PPCDC: variants seen among roughly 807,000 people sequenced by gnomAD.
PPCDC encodes phosphopantothenoylcysteine decarboxylase.
PPCDC carries 20 observed loss-of-function variants against 20.7 expected under a neutral mutation model. That is an observed-to-expected ratio of 0.97 (90% confidence interval 0.68 to 1.41). PPCDC has a LOEUF of 1.41. Among genes scored for constraint, PPCDC ranks in the 40% most tolerant of loss-of-function variants. The pLI is 0.00. For synonymous variants in PPCDC, 88 were observed against 100.3 expected (o/e 0.88, Z 0.73); for missense variants, 246 against 263.8 (o/e 0.93, Z 0.47).
At chr15:75,027,055 T>G (rs1253962268) in intron 1 of PPCDC, among the ~76,000 whole-genome samples, 1 of 152,148 alleles carries the variant, frequency 6.6e-6, no homozygotes, top group Non-Finnish European at 1.5e-5. Flanking sequence ...TGGTTGGCAA[T>G]TAGACCCGGT....
intron 2 of PPCDC, among the ~76,000 whole-genome samples, chr15:75,032,731 C>CCCG (rs1555413314): frequency 1.5e-5 from 2 of 130,410 alleles, no homozygotes; most frequent in African/African-American, 6.0e-5. Flanking sequence ...TGGACCCCCC[C>CCCG]CCCCAAGGCC....
chr15:75,049,891 C>T lies in PPCDC; in HGVS notation c.*656C>T, dbSNP rs1007595544. On this transcript the variant is annotated 3_prime_UTR_variant, in exon 6 of 6. Coordinates refer to ENST00000342932, the MANE Select transcript of PPCDC (RefSeq NM_021823.5). Reference sequence around the variant, plus strand: ...GGTGGTTAAGGATAAAGATCTGAAGCCAGACAGCCCCTAGTTCCAATCCCA... The same window carrying T: ...GGTGGTTAAGGATAAAGATCTGAAGTCAGACAGCCCCTAGTTCCAATCCCA... 1 of 152,296 alleles carries T rather than the reference C, an allele frequency of 6.6e-6. No individual in the cohort carries two copies. Among genetic ancestry groups the T allele is most frequent in the African/African-American group, 2.4e-5 (1 of 41,528 alleles). 9.4% of individuals were successfully genotyped at this position (152,296 alleles called of 1,614,324 possible).
At chr15:75,032,724 A>AACCCCCC (rs2066036136) in intron 2 of PPCDC, among the ~76,000 whole-genome samples, 1 of 96,654 alleles carries the variant, frequency 1.0e-5, no homozygotes, top group African/African-American at 4.3e-5. Flanking sequence ...AGCAAACTGG[A>AACCCCCC]CCCCCCCCCC....
chr15:75,030,189 A>G (rs1204604652), intron 2 of PPCDC, among the ~76,000 whole-genome samples: 1 of 152,120 alleles, frequency 6.6e-6, no homozygotes, highest in Non-Finnish European at 1.5e-5. Flanking sequence ...TGCCTTTCCC[A>G]TTTGAAAATA....
chr15:75,040,618 C>G (rs1182174841), intron 2 of PPCDC, among the ~76,000 whole-genome samples: 1 of 151,882 alleles, frequency 6.6e-6, no homozygotes, highest in Non-Finnish European at 1.5e-5. Context: ...TAGGATTTAC[C>G]TATGCTGTCT....
At position 75,036,977 on chromosome 15, in the gene PPCDC, T is replaced by A. The variant is rs927189294; in HGVS notation, c.136-6464T>A. On this transcript the variant is annotated intron_variant, in intron 2 of 5. Coordinates refer to ENST00000342932, the MANE Select transcript of PPCDC (RefSeq NM_021823.5). ...TGAGCCACCATGCCTGGCGCCCAATTTGGGGATGATTCTGAAGGCCAGCAC... is the reference window on the plus strand; with the variant it reads ...TGAGCCACCATGCCTGGCGCCCAATATGGGGATGATTCTGAAGGCCAGCAC... Among the ~76,000 whole-genome samples the A allele has an allele frequency of 3.9e-5, 6 of 152,106 alleles. No individual in the cohort carries two copies. In the East Asian group the frequency reaches 9.7e-4, roughly 25 times the overall value.
intron 1 of PPCDC, among the ~76,000 whole-genome samples, chr15:75,027,075 A>G (rs1307556195): frequency 6.6e-6 from 1 of 152,166 alleles, no homozygotes; most frequent in Admixed American, 6.5e-5. Flanking sequence ...TCACACATTC[A>G]GGGAGCTTGC....
intron 2 of PPCDC, among the ~76,000 whole-genome samples, chr15:75,029,427 C>G (rs1405938555): frequency 6.6e-6 from 1 of 152,204 alleles, no homozygotes; most frequent in Non-Finnish European, 1.5e-5. Flanking sequence ...GCTGAGCACC[C>G]AAGGTGCAGT....
At chr15:75,033,671 G>A (rs1434589240) in intron 2 of PPCDC, among the ~76,000 whole-genome samples, 1 of 151,574 alleles carries the variant, frequency 6.6e-6, no homozygotes, top group Non-Finnish European at 1.5e-5. Context: ...TTTTTTTCTG[G>A]GTGGGGGCCA....
At position 75,049,429 on chromosome 15, in the gene PPCDC, G is replaced by C. The variant is rs1205085636; in HGVS notation, c.*194G>C. On this transcript the variant is annotated 3_prime_UTR_variant, in exon 6 of 6. Coordinates refer to ENST00000342932, the MANE Select transcript of PPCDC (RefSeq NM_021823.5). ...CCAGGTCTCAGTTTCTTTCAACCAG[G>C]AGAGGCCGCTGCCTAGAGCCCCTCC... The C allele has an allele frequency of 1.0e-5, 6 of 601,504 alleles. No homozygotes were observed. Among genetic ancestry groups the C allele is most frequent in the South Asian group, 2.0e-5 (1 of 49,756 alleles). The allele number at this position is 601,504 out of a possible 1,614,324, so 37.3% of individuals were successfully genotyped here. A position where few individuals can be genotyped will look rare whatever the true frequency, so the allele number is the denominator to read the frequency against.
intron 2 of PPCDC, among the ~76,000 whole-genome samples, chr15:75,041,878 G>A (rs957438912): frequency 2.0e-5 from 3 of 152,196 alleles, no homozygotes; most frequent in Non-Finnish European, 2.9e-5. Context: ...GGAAGCAAGC[G>A]AGGAGGGGGT....
At chr15:75,045,451 A>G (rs1174604121) in intron 4 of PPCDC, among the ~76,000 whole-genome samples, 1 of 152,230 alleles carries the variant, frequency 6.6e-6, no homozygotes, top group Non-Finnish European at 1.5e-5. Flanking sequence ...TCCAATAAAT[A>G]CTTACTGCAT....
At chr15:75,025,656 C>G (rs926432976) in intron 1 of PPCDC, among the ~76,000 whole-genome samples, 1 of 152,156 alleles carries the variant, frequency 6.6e-6, no homozygotes, top group African/African-American at 2.4e-5. Flanking sequence ...TATAACCTGC[C>G]CACTTGCCAA....
intron 4 of PPCDC, 31 bp from the exon 5 acceptor site, chr15:75,048,521 CA>C: frequency 6.2e-7 from 1 of 1,604,080 alleles, no homozygotes; most frequent in Non-Finnish European, 8.5e-7. Context: ...GACAGAGTAG[CA>C]AGACCCCCAC....
chr15:75,032,805 T>G (rs1358638121), intron 2 of PPCDC, among the ~76,000 whole-genome samples: 1 of 151,144 alleles, frequency 6.6e-6, no homozygotes, highest in Non-Finnish European at 1.5e-5. Flanking sequence ...TTTTAATTTT[T>G]ATTATTTATT....
At position 75,043,396 on chromosome 15, in the gene PPCDC, C is replaced by T. The variant is rs375243694; in HGVS notation, c.136-45C>T. 1.9e-5 allele frequency: 29 copies of T among 1,530,716 alleles called. No individual in the cohort carries two copies. The African/African-American group carries it at 3.7e-4, about 20-fold the overall frequency. 94.8% of individuals were successfully genotyped at this position (1,530,716 alleles called of 1,614,324 possible). A position where few individuals can be genotyped will look rare whatever the true frequency, so the allele number is the denominator to read the frequency against. Reference sequence around the variant, plus strand: ...GCCTCCAGGCCTGTGGCTCTGGTAACAGTTTCTTCCTCCCTCCCCGCCACC... The same window carrying T: ...GCCTCCAGGCCTGTGGCTCTGGTAATAGTTTCTTCCTCCCTCCCCGCCACC... On this transcript the variant is annotated intron_variant, in intron 2 of 5. Coordinates refer to ENST00000342932, the MANE Select transcript of PPCDC (RefSeq NM_021823.5).
chr15:75,029,650 A>T (rs2065997846), intron 2 of PPCDC, among the ~76,000 whole-genome samples: 1 of 151,828 alleles, frequency 6.6e-6, no homozygotes, highest in African/African-American at 2.4e-5. Flanking sequence ...GGGAGGGAGG[A>T]GAGTCTCGTG....
rs1229943895 is a variant in PPCDC, at chr15:75,044,527, C to T, written c.360+13C>T. 6.8e-6 allele frequency: 11 copies of T among 1,611,860 alleles called. No individual in the cohort carries two copies. The highest frequency in any genetic ancestry group is 9.3e-6 in the Non-Finnish European group (11 of 1,178,584). On this transcript the variant is annotated intron_variant, in intron 4 of 5. Coordinates refer to ENST00000342932, the MANE Select transcript of PPCDC (RefSeq NM_021823.5). ...TGACAACTTGCTTGTGAGTGATGTC[C>T]TGGTGCCCTCGTCCGTCCCTGGGCC... is the stretch of plus-strand genomic sequence containing the variant.
At chr15:75,041,805 G>A (rs1179065133) in intron 2 of PPCDC, among the ~76,000 whole-genome samples, 1 of 152,148 alleles carries the variant, frequency 6.6e-6, no homozygotes, top group Admixed American at 6.5e-5. Context: ...CTACTCCTTG[G>A]TCCTAGCTTT....
Sources: gnomAD v4.1 joint callset for allele counts (sites outside exome capture counted in the v4.1 genomes callset) on GRCh38, gnomAD v4.1.1 for gene constraint, MANE v1.5 for transcripts, NCBI Gene and HGNC (gene_info 2026-07-23, HGNC 2026-07-21) for gene names.